KMT2A: variants seen among roughly 807,000 people sequenced by gnomAD.
The protein encoded by KMT2A is histone-lysine N-methyltransferase 2A.
Under a neutral mutation model 345.3 loss-of-function variants are expected in KMT2A, and 16 were observed. That is an observed-to-expected ratio of 0.05 (90% CI 0.03 to 0.07). KMT2A has a LOEUF of 0.07. KMT2A is among the 10% of genes least tolerant of loss of function. The pLI is 1.00. For synonymous variants in KMT2A, 1,599 were observed against 1,778.6 expected, an observed-to-expected ratio of 0.90 and a Z score of 2.54; for missense variants, 3,272 against 4,841.6, an observed-to-expected ratio of 0.68 and a Z score of 9.62.
At chr11:118,463,213 C>T (rs1949780422) in intron 1 of KMT2A, among the ~76,000 whole-genome samples, 1 of 151,770 alleles carries the variant, frequency 6.6e-6, no homozygotes, top group Non-Finnish European at 1.5e-5. Flanking sequence ...CTACCTTGTC[C>T]TCCCAAAGTG....
chr11:118,436,986 C>T lies in KMT2A; in HGVS notation c.432+42C>T, dbSNP rs1414053733. The T allele has an allele frequency of 8.0e-6, 11 of 1,381,890 alleles. No homozygotes were observed. Among genetic ancestry groups the T allele is most frequent in the Admixed American group, 6.0e-5 (2 of 33,494 alleles). 85.6% of individuals were successfully genotyped at this position (1,381,890 alleles called of 1,614,324 possible). A position where few individuals can be genotyped will look rare whatever the true frequency, so the allele number is the denominator to read the frequency against. On this transcript the variant is annotated intron_variant, in intron 1 of 35. Coordinates refer to ENST00000534358, the MANE Select transcript of KMT2A (RefSeq NM_001197104.2). This position sits in a 1 kb window ranked among gnomAD's most constrained non-coding sequence, Gnocchi z 6.9. ...CCCCCAGGTCCGGGGTCTCGACCCT[C>T]TGCGGAGCCCCCTCCCCTCCCCCAT...
Position 118,525,097 on chromosome 11 carries a change from A to G in KMT2A, c.*2925A>G, listed in dbSNP as rs1555055113. 9.0e-6 allele frequency: 2 copies of G among 221,448 alleles called. No homozygotes were observed. Among genetic ancestry groups the G allele is most frequent in the Non-Finnish European group, 1.8e-5 (2 of 110,400 alleles). The allele number at this position is 221,448 out of a possible 1,614,324, so 13.7% of individuals were successfully genotyped here. On this transcript the variant is annotated 3_prime_UTR_variant, in exon 36 of 36. Coordinates refer to ENST00000534358, the MANE Select transcript of KMT2A (RefSeq NM_001197104.2). ...GCGAAGGTTTCCCTACAAGAGGGAAAGAAGGCAAAAACGGCACAGCTATCT... is the reference window on the plus strand; with the variant it reads ...GCGAAGGTTTCCCTACAAGAGGGAAGGAAGGCAAAAACGGCACAGCTATCT...
intron 1 of KMT2A, chr11:118,439,068 A>G (rs781900312): frequency 1.9e-6 from 1 of 515,638 alleles, no homozygotes. Context: ...AAGGCCACAT[A>G]CATGACAAAA....
chr11:118,460,947 AT>A (rs1949733687), intron 1 of KMT2A, among the ~76,000 whole-genome samples: 1 of 152,262 alleles, frequency 6.6e-6, no homozygotes, highest in Non-Finnish European at 1.5e-5. Flanking sequence ...TCAATGTTGT[AT>A]CTGGAACATA....
intron 2 of KMT2A, among the ~76,000 whole-genome samples, chr11:118,469,052 A>G (rs1555034859): frequency 6.6e-6 from 1 of 152,140 alleles, no homozygotes; most frequent in African/African-American, 2.4e-5. Flanking sequence ...CAAGTTAGTT[A>G]CATATGTATA....
intron 4 of KMT2A, among the ~76,000 whole-genome samples, chr11:118,477,529 A>C (rs1950060895): frequency 2.4e-5 from 1 of 41,638 alleles, no homozygotes; most frequent in Non-Finnish European, 4.1e-5. Flanking sequence ...TTTTTTTGAG[A>C]CGGAGCCTCA....
At position 118,491,340 on chromosome 11, in the gene KMT2A, T is replaced by G. The variant is rs1950321461; in HGVS notation, c.4819+22T>G. 5.0e-6 allele frequency: 8 copies of G among 1,609,710 alleles called. No individual in the cohort carries two copies. In the East Asian group the frequency reaches 1.8e-4, roughly 36 times the overall value. ...GAAGGTTGGAGTCTTTTTATTTCAG[T>G]TTTCTTCTTTCTAGGTACTACTACA... On this transcript the variant is annotated intron_variant, in intron 14 of 35. Transcript: ENST00000534358. The surrounding 1 kb of genome is among the most constrained non-coding windows in gnomAD (Gnocchi z 4.2).
chr11:118,494,311 G>A lies in KMT2A; in HGVS notation c.5202G>A (p.Val1734=). The change falls in exon 17 of 36, where the codon GTG becomes GTA. Residue 1734 remains valine, a synonymous_variant. Coordinates refer to ENST00000534358, the MANE Select transcript of KMT2A (RefSeq NM_001197104.2). This position sits in a 1 kb window ranked among gnomAD's most constrained non-coding sequence, Gnocchi z 5.8. ...AGTTGGAGTTCAGTGATGATATTGT[G>A]AAGATCATTCAAGCAGCCATTAATT... ...TSVLEFSDDI[V]KIIQAAINSD... 6.3e-7 allele frequency: 1 copy of A among 1,598,608 alleles called. No individual in the cohort carries two copies. Among genetic ancestry groups the A allele is most frequent in the Non-Finnish European group, 8.6e-7 (1 of 1,165,906 alleles).
intron 1 of KMT2A, among the ~76,000 whole-genome samples, chr11:118,463,575 T>C (rs782657698): frequency 1.3e-4 from 20 of 152,366 alleles, no homozygotes; most frequent in East Asian, 7.7e-4. Context: ...AGACAACTTA[T>C]TCAATTCCTT....
rs369646146 is a variant in KMT2A at position 118,491,848 on chromosome 11, G to C, written c.4924G>C (p.Glu1642Gln). The C allele has an allele frequency of 5.0e-6, 8 of 1,614,002 alleles. No homozygotes were observed. The African/African-American group carries it at 1.1e-4, about 22-fold the overall frequency. Reference protein sequence around the residue: ...PAEWRLALEKELQISLKQVLT... With the variant: ...PAEWRLALEKQLQISLKQVLT... ...AGAGTGGCGACTGGCCCTTGAAAAA[G>C]AGCTGCAGATTTCTCTGAAGCAAGT... The change falls in exon 15 of 36, where the codon GAG (glutamate) becomes CAG (glutamine). Residue 1642 changes from glutamate to glutamine, a missense_variant. Transcript: ENST00000534358. The surrounding 1 kb of genome is among the most constrained non-coding windows in gnomAD (Gnocchi z 4.2).
chr11:118,515,692 T>TTC (rs1950797331), intron 31 of KMT2A, among the ~76,000 whole-genome samples: 2 of 145,594 alleles, frequency 1.4e-5, no homozygotes, highest in African/African-American at 5.1e-5. Context: ...CTTTTTTTTT[T>TTC]TTTTTTTTTT....
chr11:118,466,510 AT>A (rs1191198132), intron 1 of KMT2A, among the ~76,000 whole-genome samples: 1 of 152,070 alleles, frequency 6.6e-6, no homozygotes, highest in Non-Finnish European at 1.5e-5. Flanking sequence ...TTTACTTAAA[AT>A]TTTTTTAAAG....
rs1950674632 is a variant in KMT2A, at chr11:118,510,918, G to C, written c.11071+800G>C. ...AGAATGCAGGGCTCTCTAGGAAGAAGAAGGGAGGTAAGCAAAGTTAGAAAG... is the reference window on the plus strand; with the variant it reads ...AGAATGCAGGGCTCTCTAGGAAGAACAAGGGAGGTAAGCAAAGTTAGAAAG... On this transcript the variant is annotated intron_variant, in intron 30 of 35. Coordinates refer to ENST00000534358, the MANE Select transcript of KMT2A (RefSeq NM_001197104.2). The surrounding 1 kb of genome is among the most constrained non-coding windows in gnomAD (Gnocchi z 4.1). Among the ~76,000 whole-genome samples the C allele has an allele frequency of 6.6e-6, 1 of 152,184 alleles. No individual in the cohort carries two copies. The highest frequency in any genetic ancestry group is 2.4e-5 in the African/African-American group (1 of 41,448).
chr11:118,464,379 T>C (rs1248163799), intron 1 of KMT2A, among the ~76,000 whole-genome samples: 1 of 151,914 alleles, frequency 6.6e-6, no homozygotes, highest in Non-Finnish European at 1.5e-5. Context: ...CCACTAAAAA[T>C]ACAAAAATAA....
intron 1 of KMT2A, 151 bp from the exon 2 acceptor site, chr11:118,468,624 A>C (rs775095951): frequency 1.4e-4 from 88 of 624,576 alleles, no homozygotes; most frequent in Non-Finnish European, 2.4e-4. Flanking sequence ...TTTCAATATT[A>C]GTTATTTTAT....
At chr11:118,441,388 G>T (rs184973989) in intron 1 of KMT2A, among the ~76,000 whole-genome samples, 1 of 152,238 alleles carries the variant, frequency 6.6e-6, no homozygotes, top group Admixed American at 6.5e-5. Context: ...GGACTTTGGG[G>T]AAGTTGACCA....
At chr11:118,455,501 T>C (rs1373060731) in intron 1 of KMT2A, among the ~76,000 whole-genome samples, 1 of 151,994 alleles carries the variant, frequency 6.6e-6, no homozygotes, top group Non-Finnish European at 1.5e-5. Flanking sequence ...TCTGTATTCA[T>C]TGCATTTGCT....
At position 118,489,898 on chromosome 11, in the gene KMT2A, C is replaced by T. The variant is rs1950297109; in HGVS notation, c.4575+11C>T. 1.9e-6 allele frequency: 3 copies of T among 1,606,436 alleles called. No individual in the cohort carries two copies. The highest frequency in any genetic ancestry group is 2.2e-5 in the East Asian group (1 of 44,808). ...AAGAAGAAAGTCTGGGTGAGTTATA[C>T]ACATGATGCTCTTTTATAGAGAACC... On this transcript the variant is annotated intron_variant, in intron 12 of 35. Coordinates refer to ENST00000534358, the MANE Select transcript of KMT2A (RefSeq NM_001197104.2).
At position 118,521,995 on chromosome 11, in the gene KMT2A, T is replaced by C; in HGVS notation, c.11742T>C (p.Pro3914=). ...GCTTCATCAATCACTCGTGTGAGCC[T>C]AACTGCTATTCTCGGGTCATCAATA... The part of the protein sequence containing the change: ...AARFINHSCE[P]NCYSRVINID... Residue 3914 remains proline, a synonymous_variant, in exon 36 of 36, where the codon CCT becomes CCC. Coordinates refer to ENST00000534358, the MANE Select transcript of KMT2A (RefSeq NM_001197104.2). The surrounding 1 kb of genome is among the most constrained non-coding windows in gnomAD (Gnocchi z 5.3). The C allele has an allele frequency of 6.2e-7, 1 of 1,614,230 alleles. No individual in the cohort carries two copies. The highest frequency in any genetic ancestry group is 1.1e-5 in the South Asian group (1 of 91,076).
Sources: allele counts gnomAD v4.1 joint callset (sites outside exome capture counted in the v4.1 genomes callset), GRCh38; gene constraint gnomAD v4.1.1; non-coding constraint Gnocchi (gnomAD v3.1); transcripts MANE v1.5; gene names NCBI Gene and HGNC (gene_info 2026-07-23, HGNC 2026-07-21).